The following RAPGEF1 variants were observed in gnomAD, a reference collection of about 807,000 sequenced individuals.
RAPGEF1 encodes the protein Rap guanine nucleotide exchange factor 1.
A neutral mutation model predicts 143.3 loss-of-function variants in RAPGEF1; 33 were observed. That is an observed-to-expected ratio of 0.23 (90% CI 0.17 to 0.31). The LOEUF (loss-of-function observed/expected upper bound fraction) is 0.31, where lower values mean the gene tolerates loss of function less well. Among genes scored for constraint, RAPGEF1 ranks in the 10% least tolerant of loss-of-function variants. The probability of loss-of-function intolerance (pLI) is 1.00; values close to 1 mark genes in which losing one functional copy is unlikely to be tolerated. For synonymous variants in RAPGEF1, 629 were observed against 676.5 expected (o/e 0.93, Z 1.09); for missense variants, 1,199 against 1,645.4 (o/e 0.73, Z 4.69).
intron 5 of RAPGEF1, among the ~76,000 whole-genome samples, chr9:131,636,709 TGGGTGGGCCAGAGTGACTCAG>T (rs1966456142): frequency 6.6e-6 from 1 of 152,056 alleles, no homozygotes; most frequent in African/African-American, 2.4e-5. Flanking sequence ...ACAGCAGGGG[TGGGTGGGCCAGAGTGACTCAG>T]GGCTGCTGAT....
chr9:131,724,374 T>A (rs1186896682), intron 1 of RAPGEF1, among the ~76,000 whole-genome samples: 4 of 152,114 alleles, frequency 2.6e-5, no homozygotes, highest in Admixed American at 2.6e-4. Flanking sequence ...GGCAGGTGGA[T>A]CACGAGGCCA....
intron 1 of RAPGEF1, among the ~76,000 whole-genome samples, chr9:131,686,333 T>C (rs1454974774): frequency 6.6e-6 from 1 of 152,204 alleles, no homozygotes; most frequent in African/African-American, 2.4e-5. Context: ...CATCCCTGCT[T>C]TTAAGAAACA....
chr9:131,730,291 T>G (rs1836960236), intron 1 of RAPGEF1, among the ~76,000 whole-genome samples: 1 of 151,558 alleles, frequency 6.6e-6, no homozygotes, highest in South Asian at 2.1e-4. Context: ...ATTTTGATGA[T>G]TAGTTAAGTG....
chr9:131,721,030 T>C (rs1836226572), intron 1 of RAPGEF1, among the ~76,000 whole-genome samples: 2 of 152,014 alleles, frequency 1.3e-5, no homozygotes, highest in African/African-American at 2.4e-5. Flanking sequence ...CTTCTAGGAG[T>C]GACTGGAACA....
intron 1 of RAPGEF1, among the ~76,000 whole-genome samples, chr9:131,660,305 C>T (rs551583635): frequency 1.3e-5 from 2 of 152,152 alleles, no homozygotes; most frequent in Admixed American, 6.5e-5. Context: ...TATGACACTG[C>T]TAATGGGAAT....
In RAPGEF1 at chr9:131,621,672, G is replaced by T; in HGVS notation, c.1905+124C>A. Reference sequence around the variant, plus strand: ...CTGTGTGGGAGATGGTGCCTTCCACGCCCAAAACCAGGGCCCTGCCACAGC... The same window carrying T: ...CTGTGTGGGAGATGGTGCCTTCCACTCCCAAAACCAGGGCCCTGCCACAGC... On this transcript the variant is annotated intron_variant, in intron 11 of 26. Transcript: ENST00000683357. This position sits in a 1 kb window ranked among gnomAD's most constrained non-coding sequence, Gnocchi z 4.5. 3 of 1,004,482 alleles carry T rather than the reference G, an allele frequency of 3.0e-6. No individual in the cohort carries two copies. Among genetic ancestry groups the T allele is most frequent in the Non-Finnish European group, 4.4e-6 (3 of 688,466 alleles). 62.2% of individuals were successfully genotyped at this position (1,004,482 alleles called of 1,614,324 possible).
chr9:131,629,230 G>T lies in RAPGEF1; in HGVS notation c.765C>A (p.Asp255Glu), dbSNP rs757409551. The change falls in exon 7 of 27, where the codon GAC becomes GAA. Residue 255 changes from aspartate to glutamate, a missense_variant. Around this residue, in one of 6 missense-constraint regions of RAPGEF1, gnomAD observed 613 missense variants for 710.9 expected, o/e 0.86. Coordinates refer to ENST00000683357, the MANE Select transcript of RAPGEF1 (RefSeq NM_001377935.1). ...TCTTGTTTAGGATCTCTACCTCGCG[G>T]TCTGTCAGGGGGAGCTCTGCTGGGC... is the stretch of plus-strand genomic sequence containing the variant. Reference protein sequence around the residue: ...PDGPAELPLTDREVEILNKTT... With the variant: ...PDGPAELPLTEREVEILNKTT... 11 of 1,613,818 alleles carry T rather than the reference G, an allele frequency of 6.8e-6. No homozygotes were observed. Among genetic ancestry groups the T allele is most frequent in the Non-Finnish European group, 9.3e-6 (11 of 1,179,842 alleles).
At chr9:131,735,495 C>T (rs193278073) in intron 1 of RAPGEF1, among the ~76,000 whole-genome samples, 14 of 152,178 alleles carry the variant, frequency 9.2e-5, no homozygotes, top group Non-Finnish European at 1.9e-4. Flanking sequence ...GCAGGCAGCA[C>T]GACATCTGCT....
At chr9:131,718,566 C>T (rs1027013550) in intron 1 of RAPGEF1, among the ~76,000 whole-genome samples, 1 of 152,096 alleles carries the variant, frequency 6.6e-6, no homozygotes, top group African/African-American at 2.4e-5. Flanking sequence ...TGGAGTAAAT[C>T]GCAGGGGTTT....
chr9:131,583,204 C>T lies in RAPGEF1; in HGVS notation c.3415-502G>A, dbSNP rs61247767. On this transcript the variant is annotated intron_variant, in intron 24 of 26. Transcript: ENST00000683357. The surrounding 1 kb of genome is among the most constrained non-coding windows in gnomAD (Gnocchi z 4.7). ...CTCTCCTGCAGGGGTGGGGGGCTCCCACCTAGGAGACTCAGCCAGCCCTGC... is the reference window on the plus strand; with the variant it reads ...CTCTCCTGCAGGGGTGGGGGGCTCCTACCTAGGAGACTCAGCCAGCCCTGC... 1.2e-4 allele frequency among the ~76,000 whole-genome samples: 19 copies of T among 152,246 alleles called. No homozygotes were observed. Among genetic ancestry groups the T allele is most frequent in the African/African-American group, 4.6e-4 (19 of 41,544 alleles).
In RAPGEF1 at chr9:131,621,400, G is replaced by C. The variant is rs1047545485; in HGVS notation, c.1905+396C>G. Among the ~76,000 whole-genome samples the C allele has an allele frequency of 3.9e-5, 6 of 152,328 alleles. No homozygotes were observed. The East Asian group carries it at 1.2e-3, about 29-fold the overall frequency. ...CATTATGCCAATCAAGTCCACAGAT[G>C]GCTGTGCACAGACCATGTCCTGTGC... On this transcript the variant is annotated intron_variant, in intron 11 of 26. Transcript: ENST00000683357. This position sits in a 1 kb window ranked among gnomAD's most constrained non-coding sequence, Gnocchi z 4.5.
chr9:131,739,955 TCGGCGACCGCGCTCCAG>T lies in RAPGEF1; in HGVS notation c.-142_-126del, dbSNP rs1837646166. 2.5e-5 allele frequency: 11 copies of T among 447,142 alleles called. No homozygotes were observed. The highest frequency in any genetic ancestry group is 2.9e-5 in the Non-Finnish European group (10 of 343,442). The allele number at this position is 447,142 out of a possible 1,614,324, so 27.7% of individuals were successfully genotyped here. On this transcript the variant is annotated 5_prime_UTR_variant, in exon 1 of 27. Transcript: ENST00000683357. ...GCTCCGCGCGGCCGCGGCCCTGCGC[TCGGCGACCGCGCTCCAG>T]CCCGCCCGGGCCCAGCCGCTCCCGC...
intron 1 of RAPGEF1, among the ~76,000 whole-genome samples, chr9:131,671,321 G>A (rs373064050): frequency 6.6e-6 from 1 of 152,242 alleles, no homozygotes; most frequent in South Asian, 2.1e-4. Flanking sequence ...GCCCGCCAGG[G>A]AGGAGGCACG....
intron 17 of RAPGEF1, among the ~76,000 whole-genome samples, chr9:131,593,899 G>T (rs1237750491): frequency 6.6e-6 from 1 of 152,248 alleles, no homozygotes; most frequent in Non-Finnish European, 1.5e-5. Context: ...AAGTCAACTG[G>T]CCTTTGCGGG....
chr9:131,685,985 A>ACCCTCGC lies in RAPGEF1; in HGVS notation c.62-35037_62-35036insGCGAGGG, dbSNP rs1482119369. Among the ~76,000 whole-genome samples, 583 of 152,308 alleles carry ACCCTCGC rather than the reference A, an allele frequency of 3.8e-3. 7 individuals carry two copies. The highest frequency in any genetic ancestry group is 0.014 in the African/African-American group (562 of 41,560). On this transcript the variant is annotated intron_variant, in intron 1 of 26. Transcript: ENST00000683357. ...GAGGGTCAGATGGAGAGGCGAGGTG[A>ACCCTCGC]CTGCTTCTTCAGTTCCTTCATGCGT... is the stretch of plus-strand genomic sequence containing the variant.
In RAPGEF1 at chr9:131,627,917, T is replaced by C. The variant is rs1455554660; in HGVS notation, c.1197A>G (p.Thr399=). 7.0e-6 allele frequency: 11 copies of C among 1,579,598 alleles called. No homozygotes were observed. Among genetic ancestry groups the C allele is most frequent in the Non-Finnish European group, 9.5e-6 (11 of 1,163,362 alleles). The change falls in exon 9 of 27, where the codon ACA becomes ACG. Residue 399 remains threonine, a synonymous_variant. Transcript: ENST00000683357. The part of the protein sequence containing the change: ...GQCSRNTSCE[T]LDHYDPDYEF... ...AGGAGGATGGTGGCGGCTCACCTAG[T>C]GTTTCACAGCTTGTGTTCCGGGAGC...
chr9:131,650,135 C>T lies in RAPGEF1; in HGVS notation c.309G>A (p.Arg103=). 6.2e-7 allele frequency: 1 copy of T among 1,610,918 alleles called. No homozygotes were observed. Among genetic ancestry groups the T allele is most frequent in the Non-Finnish European group, 8.5e-7 (1 of 1,177,318 alleles). ...STSAVASRSQ[R]QKNLSWLEEK... is the part of the protein sequence containing the mutation. ...TTCTTAATGTTACACTGACCTTCTGCCTTTGAGACCTGGAAGCCACAGCAC... is the reference window on the plus strand; with the variant it reads ...TTCTTAATGTTACACTGACCTTCTGTCTTTGAGACCTGGAAGCCACAGCAC... The change falls in exon 3 of 27, where the codon AGG becomes AGA. Residue 103 remains arginine (R), a synonymous_variant. Transcript: ENST00000683357. This position sits in a 1 kb window ranked among gnomAD's most constrained non-coding sequence, Gnocchi z 4.7.
chr9:131,648,787 TTATTTTCCTCCACTTTTAAC>T (rs575984754), intron 3 of RAPGEF1, among the ~76,000 whole-genome samples: 155 of 152,316 alleles, frequency 1.0e-3, no homozygotes, highest in African/African-American at 3.6e-3. Flanking sequence ...TTTAAAACCT[TTATTTTCCTCCACTTTTAAC>T]TAAAATTTTA....
chr9:131,608,964 C>T (rs1321929223), intron 12 of RAPGEF1, among the ~76,000 whole-genome samples: 1 of 152,192 alleles, frequency 6.6e-6, no homozygotes, highest in Admixed American at 6.5e-5. Flanking sequence ...GGCTCGTGCC[C>T]GGGTTTGCTT....
Sources: gnomAD v4.1 joint callset for allele counts (sites outside exome capture counted in the v4.1 genomes callset) on GRCh38, gnomAD v4.1.1 for gene constraint, gnomAD v4.1.1 regional missense constraint, Gnocchi (gnomAD v3.1) non-coding constraint, MANE v1.5 for transcripts, NCBI Gene and HGNC (gene_info 2026-07-23, HGNC 2026-07-21) for gene names.